Variants in FAM83C observed in about 807,000 individuals in gnomAD.
FAM83C encodes the protein protein FAM83C.
FAM83C carries 23 observed loss-of-function variants against 27.1 expected under a neutral mutation model. The ratio of observed to expected loss-of-function variants is 0.85; its 90% CI spans 0.61 to 1.20. The LOEUF (loss-of-function observed/expected upper bound fraction) is 1.20. Ranked by LOEUF, FAM83C falls within the 50% of genes most tolerant of loss-of-function variation. The pLI is 0.00. For synonymous variants in FAM83C, 426 were observed against 423.1 expected (o/e 1.01, Z -0.09); for missense variants, 984 against 1,001.3 (o/e 0.98, Z 0.23).
intron 1 of FAM83C, 146 bp from the exon 2 acceptor site, chr20:35,289,104 GA>G: frequency 9.8e-7 from 1 of 1,024,820 alleles, no homozygotes. Context: ...AAGTGAACAG[GA>G]AGGGCACTTA....
rs2060834882 is a variant in FAM83C, at chr20:35,287,946, T to G, written c.833A>C (p.His278Pro). Residue 278 changes from histidine (H) to proline (P), a missense_variant, in exon 4 of 4, where the codon CAC (histidine) becomes CCC (proline). By Grantham distance (77) the His-to-Pro change is moderately conservative. Coordinates refer to ENST00000374408, the MANE Select transcript of FAM83C (RefSeq NM_178468.6). ...CCTCAGCTGCAGCACCATGCTAGTG[T>G]GGGCCTGGCTGCAAAGCCAGGTGAA... is the stretch of plus-strand genomic sequence containing the variant. ...YSFTWLCSQA[H>P]TSMVLQLRGR... 6.4e-7 allele frequency: 1 copy of G among 1,558,882 alleles called. No homozygotes were observed. Among genetic ancestry groups the G allele is most frequent in the African/African-American group, 1.4e-5 (1 of 73,578 alleles).
chr20:35,290,882 TG>T (rs2060845024), intron 1 of FAM83C, among the ~76,000 whole-genome samples: 1 of 152,152 alleles, frequency 6.6e-6, no homozygotes, highest in Non-Finnish European at 1.5e-5. Context: ...GAAGTACCGG[TG>T]GGATCCCAGC....
intron 3 of FAM83C, among the ~76,000 whole-genome samples, 166 bp downstream of exon 3, chr20:35,288,295 C>G (rs2146273514): frequency 6.6e-6 from 1 of 152,314 alleles, no homozygotes; most frequent in East Asian, 1.9e-4. Context: ...AGAGTGAGCT[C>G]CTCCAGGGCC....
rs537342978 is a variant in FAM83C at position 35,286,804 on chromosome 20, G to A, written c.1975C>T (p.Pro659Ser). The change falls in exon 4 of 4, where the codon CCT (proline) becomes TCT (serine). Residue 659 changes from proline (P) to serine (S), a missense_variant. Transcript: ENST00000374408. ...PGPNGLPISS[P>S]ARTAGAGSGD... ...GACCCAGCTCCAGCCGTGCGAGCAG[G>A]GCTTGATATCGGGAGACCATTGGGC... The A allele has an allele frequency of 2.5e-5, 41 of 1,614,038 alleles. No homozygotes were observed. The highest frequency in any genetic ancestry group is 3.1e-5 in the Non-Finnish European group (37 of 1,179,988).
At chr20:35,290,828 C>T (rs1432236171) in intron 1 of FAM83C, among the ~76,000 whole-genome samples, 2 of 152,176 alleles carry the variant, frequency 1.3e-5, no homozygotes, top group South Asian at 2.1e-4. Context: ...CAGGCCTGGC[C>T]GTCCCCTGCC....
In FAM83C at chr20:35,292,238, C is replaced by T; in HGVS notation, c.67G>A (p.Val23Met). ...CACCACGGCAGCTTCAGCTCTTCCACCCGGCCCCGCAGGGGTCCCGCCATG... is the reference window on the plus strand; with the variant it reads ...CACCACGGCAGCTTCAGCTCTTCCATCCGGCCCCGCAGGGGTCCCGCCATG... ...QGMAGPLRGR[V>M]EELKLPWWRE... Residue 23 changes from valine (V) to methionine (M), a missense_variant, in exon 1 of 4, where the codon GTG becomes ATG. Physicochemically the swap from Val to Met is conservative, Grantham distance 21. Coordinates refer to ENST00000374408, the MANE Select transcript of FAM83C (RefSeq NM_178468.6). The T allele has an allele frequency of 6.4e-7, 1 of 1,564,750 alleles. No homozygotes were observed. The highest frequency in any genetic ancestry group is 8.6e-7 in the Non-Finnish European group (1 of 1,163,700).
Position 35,287,916 on chromosome 20 carries a change from C to G in FAM83C, c.863G>C (p.Arg288Pro). 4 of 1,556,172 alleles carry G rather than the reference C, an allele frequency of 2.6e-6. No individual in the cohort carries two copies. Among genetic ancestry groups the G allele is most frequent in the Non-Finnish European group, 8.7e-7 (1 of 1,149,220 alleles). ...CTCCCGGTCAAAGTCTTCCACGATG[C>G]GGCCCCTCAGCTGCAGCACCATGCT... is the stretch of plus-strand genomic sequence containing the variant. ...HTSMVLQLRGRIVEDFDREFR... is the reference protein window; with the variant it reads ...HTSMVLQLRGPIVEDFDREFR... The change falls in exon 4 of 4, where the codon CGC (arginine) becomes CCC (proline). Residue 288 changes from arginine to proline, a missense_variant. Arg to Pro is a moderately radical substitution (Grantham distance 103). Transcript: ENST00000374408.
Position 35,287,957 on chromosome 20 carries a change from G to T in FAM83C, c.822C>A (p.Cys274Ter). ...VAGSYSFTWLCSQAHTSMVLQ... is the reference protein window; with the variant it reads ...VAGSYSFTWL The stretch of plus-strand genomic sequence containing the variant: ...GCACCATGCTAGTGTGGGCCTGGCT[G>T]CAAAGCCAGGTGAAGCTGGGGGCAG... The change falls in exon 4 of 4, where the codon TGC becomes TGA. Residue 274 changes from cysteine to a stop codon, truncating the protein, a stop_gained. Transcript: ENST00000374408. LOFTEE classifies it low-confidence loss of function (END_TRUNC). The T allele has an allele frequency of 6.4e-7, 1 of 1,561,280 alleles. No individual in the cohort carries two copies. The highest frequency in any genetic ancestry group is 1.2e-5 in the South Asian group (1 of 84,970).
At chr20:35,291,757 C>T in intron 1 of FAM83C, 35 bp downstream of exon 1, 1 of 1,611,584 alleles carries the variant, frequency 6.2e-7, no homozygotes. Context: ...GTTTCCTCCT[C>T]TGTGAGATGA....
In FAM83C at chr20:35,286,872, T is replaced by C. The variant is rs1197494870; in HGVS notation, c.1907A>G (p.Asp636Gly). 2.5e-5 allele frequency: 40 copies of C among 1,614,202 alleles called. No individual in the cohort carries two copies. Among genetic ancestry groups the C allele is most frequent in the Non-Finnish European group, 3.4e-5 (40 of 1,180,040 alleles). Residue 636 changes from aspartate (D) to glycine (G), a missense_variant, in exon 4 of 4, where the codon GAC becomes GGC. By Grantham distance (94) the Asp-to-Gly change is moderately conservative. Coordinates refer to ENST00000374408, the MANE Select transcript of FAM83C (RefSeq NM_178468.6). ...GAATGGGCCGAACTTTGTGATGAGG[T>C]CCAGCTGGCTGTGCCCCAGGGTCTG... is the stretch of plus-strand genomic sequence containing the variant. ...RRQTLGHSQL[D>G]LITKFGPFRG...
In FAM83C at chr20:35,291,997, T is replaced by A. The variant is rs2060848410; in HGVS notation, c.308A>T (p.Asp103Val). 1.9e-6 allele frequency: 3 copies of A among 1,613,344 alleles called. No homozygotes were observed. The highest frequency in any genetic ancestry group is 2.7e-5 in the African/African-American group (2 of 74,896). ...GACTTCAGAGAGCAGGCTGAGGCGGTCTGGCCCGGAGGCCTCCTGCCCCTG... is the reference window on the plus strand; with the variant it reads ...GACTTCAGAGAGCAGGCTGAGGCGGACTGGCCCGGAGGCCTCCTGCCCCTG... ...EAQGQEASGP[D>V]RLSLLSEVTS... Residue 103 changes from aspartate (D) to valine (V), a missense_variant, in exon 1 of 4, where the codon GAC (aspartate) becomes GTC (valine). Coordinates refer to ENST00000374408, the MANE Select transcript of FAM83C (RefSeq NM_178468.6).
chr20:35,292,282 C>G lies in FAM83C; in HGVS notation c.23G>C (p.Gly8Ala). 4 of 1,544,454 alleles carry G rather than the reference C, an allele frequency of 2.6e-6. No homozygotes were observed. Among genetic ancestry groups the G allele is most frequent in the Non-Finnish European group, 2.6e-6 (3 of 1,151,956 alleles). MFGGPGPGVLGAQGMAGP... is the reference protein window; with the variant it reads MFGGPGPAVLGAQGMAGP... The stretch of plus-strand genomic sequence containing the variant: ...CGCCATGCCCTGGGCTCCCAGGACC[C>G]CAGGCCCCGGGCCTCCGAACATGCC... The change falls in exon 1 of 4, where the codon GGG (glycine) becomes GCG (alanine). Residue 8 changes from glycine to alanine, a missense_variant. By Grantham distance (60) the Gly-to-Ala change is moderately conservative. Transcript: ENST00000374408.
In FAM83C at chr20:35,288,547, G is replaced by C; in HGVS notation, c.720C>G (p.Cys240Trp). 1 of 1,614,230 alleles carries C rather than the reference G, an allele frequency of 6.2e-7. No homozygotes were observed. Among genetic ancestry groups the C allele is most frequent in the Non-Finnish European group, 8.5e-7 (1 of 1,180,038 alleles). ...CCGTGAAGCGGCGGCCAGCCTTGCTGCAGTATGTGTCCCCACACGTGCTCC... is the reference window on the plus strand; with the variant it reads ...CCGTGAAGCGGCGGCCAGCCTTGCTCCAGTATGTGTCCCCACACGTGCTCC... ...RVRSTCGDTY[C>W]SKAGRRFTGQ... The change falls in exon 3 of 4, where the codon TGC becomes TGG. Residue 240 changes from cysteine (C) to tryptophan (W), a missense_variant. Physicochemically the swap from Cys to Trp is radical, Grantham distance 215. Coordinates refer to ENST00000374408, the MANE Select transcript of FAM83C (RefSeq NM_178468.6).
rs1373291636 is a variant in FAM83C, at chr20:35,288,899, C to T, written c.573G>A (p.Glu191=). 3.1e-6 allele frequency: 5 copies of T among 1,614,140 alleles called. No individual in the cohort carries two copies. The South Asian group carries it at 5.5e-5, about 18-fold the overall frequency. ...CAGGGACACCACGCCGGCTTGAGGC[C>T]TCCATGAGGTCACACAGAAGCTCCA... ...TDMELLCDLM[E]ASSRRGVPVY... The change falls in exon 2 of 4, where the codon GAG becomes GAA. Residue 191 remains glutamate (E), a synonymous_variant. Transcript: ENST00000374408.
Position 35,291,932 on chromosome 20 carries a change from G to A in FAM83C, c.373C>T (p.Pro125Ser). 1 of 1,610,806 alleles carries A rather than the reference G, an allele frequency of 6.2e-7. No individual in the cohort carries two copies. The highest frequency in any genetic ancestry group is 8.5e-7 in the Non-Finnish European group (1 of 1,177,292). Residue 125 changes from proline (P) to serine (S), a missense_variant, in exon 1 of 4, where the codon CCC becomes TCC. By Grantham distance (74) the Pro-to-Ser change is moderately conservative (BLOSUM62 -1). Coordinates refer to ENST00000374408, the MANE Select transcript of FAM83C (RefSeq NM_178468.6). ...TYFPMASDID[P>S]PDLDLGWPEV... Reference sequence around the variant, plus strand: ...GGCCAGCCCAGGTCCAGGTCTGGGGGGTCTATGTCAGAGGCCATGGGGAAG... The same window carrying A: ...GGCCAGCCCAGGTCCAGGTCTGGGGAGTCTATGTCAGAGGCCATGGGGAAG...
chr20:35,288,235 A>G (rs1431967166), intron 3 of FAM83C, among the ~76,000 whole-genome samples: 1 of 152,126 alleles, frequency 6.6e-6, no homozygotes, highest in African/African-American at 2.4e-5. Flanking sequence ...TCCAGTTCCA[A>G]TGGGCATAGT....
chr20:35,285,800 A>G lies in FAM83C; in HGVS notation c.*735T>C, dbSNP rs150748621. 3.3e-3 allele frequency: 513 copies of G among 153,364 alleles called. 1 individual carries two copies. Among genetic ancestry groups the G allele is most frequent in the Non-Finnish European group, 5.6e-3 (383 of 68,750 alleles). The allele number at this position is 153,364 out of a possible 1,614,324, so 9.5% of individuals were successfully genotyped here. On this transcript the variant is annotated 3_prime_UTR_variant, in exon 4 of 4. Coordinates refer to ENST00000374408, the MANE Select transcript of FAM83C (RefSeq NM_178468.6). ...TCCCGGGTAAGTGGTGAGTTCAGGA[A>G]AATGGCCCACAACCTGTCACAGCCT...
In FAM83C at chr20:35,287,722, G is replaced by A. The variant is rs2060833410; in HGVS notation, c.1057C>T (p.Gln353Ter). The A allele has an allele frequency of 6.2e-7, 1 of 1,613,992 alleles. No homozygotes were observed. The highest frequency in any genetic ancestry group is 1.1e-5 in the South Asian group (1 of 91,068). Residue 353 changes from glutamine to a stop codon, truncating the protein, a stop_gained, in exon 4 of 4, where the codon CAG (glutamine) becomes TAG (stop). Transcript: ENST00000374408. LOFTEE classifies it low-confidence loss of function (END_TRUNC). The part of the protein sequence containing the change: ...PSSTSLSSIK[Q>*]SPLMGRSSYL... ...GAGGAGCGACCCATAAGCGGTGACT[G>A]CTTGATGCTGCTGAGGCTGGTGCTG...
Position 35,286,870 on chromosome 20 carries a change from G to T in FAM83C, c.1909C>A (p.Leu637Ile). 6.2e-7 allele frequency: 1 copy of T among 1,614,236 alleles called. No homozygotes were observed. The highest frequency in any genetic ancestry group is 8.5e-7 in the Non-Finnish European group (1 of 1,180,048). The change falls in exon 4 of 4, where the codon CTC (leucine) becomes ATC (isoleucine). Residue 637 changes from leucine (L) to isoleucine (I), a missense_variant. By Grantham distance (5) the Leu-to-Ile change is conservative. Coordinates refer to ENST00000374408, the MANE Select transcript of FAM83C (RefSeq NM_178468.6). ...CGGAATGGGCCGAACTTTGTGATGA[G>T]GTCCAGCTGGCTGTGCCCCAGGGTC... ...RQTLGHSQLD[L>I]ITKFGPFRGE... is the part of the protein sequence containing the mutation.
Sources: allele counts gnomAD v4.1 joint callset (sites outside exome capture counted in the v4.1 genomes callset), GRCh38; gene constraint gnomAD v4.1.1; transcripts MANE v1.5; gene names NCBI Gene and HGNC (gene_info 2026-07-23, HGNC 2026-07-21).